Variants in CDH3 observed in about 807,000 individuals in gnomAD.
The protein encoded by CDH3 is cadherin 3.
Under a neutral mutation model 82.0 loss-of-function variants are expected in CDH3, and 54 were observed. That is an observed-to-expected ratio of 0.66 (90% confidence interval 0.53 to 0.83). The LOEUF (loss-of-function observed/expected upper bound fraction) is 0.83, where lower values mean the gene tolerates loss of function less well. Among genes scored for constraint, CDH3 ranks in the 40% least tolerant of loss-of-function variants. The probability of loss-of-function intolerance (pLI) is 0.00; values close to 1 mark genes in which losing one functional copy is unlikely to be tolerated. For synonymous variants in CDH3, 446 were observed against 437.9 expected, an observed-to-expected ratio of 1.02 and a Z score of -0.23; for missense variants, 1,054 against 1,084.6, an observed-to-expected ratio of 0.97 and a Z score of 0.40.
chr16:68,713,056 T>C (rs1177846863), intron 1 of CDH3, among the ~76,000 whole-genome samples: 1 of 152,086 alleles, frequency 6.6e-6, no homozygotes, highest in Non-Finnish European at 1.5e-5. Context: ...CCCCTCCTCC[T>C]GTGATCTCCC....
chr16:68,650,735 C>T (rs2152089516), intron 2 of CDH3, among the ~76,000 whole-genome samples: 1 of 152,264 alleles, frequency 6.6e-6, no homozygotes, highest in Admixed American at 6.5e-5. Flanking sequence ...GGTCTCTTCT[C>T]CCCAGCACAG....
chr16:68,676,957 C>T (rs1168157043), intron 3 of CDH3, among the ~76,000 whole-genome samples: 1 of 152,148 alleles, frequency 6.6e-6, no homozygotes, highest in East Asian at 1.9e-4. Flanking sequence ...AATAATCTCC[C>T]CTTGTTTGCC....
At chr16:68,674,168 A>T (rs1960968049) in intron 2 of CDH3, among the ~76,000 whole-genome samples, 1 of 152,138 alleles carries the variant, frequency 6.6e-6, no homozygotes. Context: ...CGACAATTCC[A>T]ATTTCCCTCT....
At chr16:68,695,013 A>C (rs1961674642) in intron 13 of CDH3, among the ~76,000 whole-genome samples, 1 of 152,198 alleles carries the variant, frequency 6.6e-6, no homozygotes, top group African/African-American at 2.4e-5. Context: ...CAAGGAACAC[A>C]GAGGAGGCCA....
chr16:68,645,450 C>T (rs749664950), intron 1 of CDH3, 26 bp downstream of exon 1: 2 of 1,611,324 alleles, frequency 1.2e-6, no homozygotes, highest in Admixed American at 1.7e-5. Context: ...GCCGTGGCCC[C>T]GACCGGGACC....
chr16:68,695,073 C>A lies in CDH3; in HGVS notation c.2003-182C>A, dbSNP rs3785135. On this transcript the variant is annotated intron_variant, in intron 13 of 15. Transcript: ENST00000264012. ...GGGGACTTGGAGGCATAGGCTGGGA[C>A]CAAATCTTGCCAGCCTTGATAAAGA... is the stretch of plus-strand genomic sequence containing the variant. Among the ~76,000 whole-genome samples, 85,732 of 151,946 alleles carry A rather than the reference C, an allele frequency of 0.56. 24,482 individuals are homozygous for A. Among genetic ancestry groups the A allele is most frequent in the Middle Eastern group, 0.62 (183 of 294 alleles).
rs1960617219 is a variant in CDH3 at position 68,662,568 on chromosome 16, G to C, written c.161-13817G>C. Reference sequence around the variant, plus strand: ...CCTTTTTTTTTTTTTTTTTTTTGGAGATGGAGTCTTGCTCTGTCGCCCAGG... The same window carrying C: ...CCTTTTTTTTTTTTTTTTTTTTGGACATGGAGTCTTGCTCTGTCGCCCAGG... On this transcript the variant is annotated intron_variant, in intron 2 of 15. Coordinates refer to ENST00000264012, the MANE Select transcript of CDH3 (RefSeq NM_001793.6). Among the ~76,000 whole-genome samples the C allele has an allele frequency of 2.6e-5, 3 of 116,528 alleles. No individual in the cohort carries two copies. The Admixed American group carries it at 3.0e-4, about 12-fold the overall frequency. The allele number at this position is 116,528 out of a possible 152,430, so 76.4% of individuals were successfully genotyped here. A position where few individuals can be genotyped will look rare whatever the true frequency, so the allele number is the denominator to read the frequency against.
Position 68,645,759 on chromosome 16 carries a change from C to A in CDH3, c.160+9C>A, listed in dbSNP as rs1408413185. The A allele has an allele frequency of 1.3e-6, 2 of 1,538,610 alleles. No individual in the cohort carries two copies. The highest frequency in any genetic ancestry group is 1.8e-6 in the Non-Finnish European group (2 of 1,142,316). ...CCAGGCGCTGGGGAAAGGTAAGATC[C>A]TCAGGGTGGAACCGCAGGGTAGGGG... On this transcript the variant is annotated intron_variant, in intron 2 of 15. Coordinates refer to ENST00000264012, the MANE Select transcript of CDH3 (RefSeq NM_001793.6).
downstream of CDH3, among the ~76,000 whole-genome samples, chr16:68,729,455 G>C (rs1962260852): frequency 6.6e-6 from 1 of 152,010 alleles, no homozygotes; most frequent in East Asian, 1.9e-4. Flanking sequence ...CATAGTTGTG[G>C]TTTCACAGTG....
At chr16:68,691,612 C>T in intron 12 of CDH3, 108 bp from the exon 13 acceptor site, 1 of 852,276 alleles carries the variant, frequency 1.2e-6, no homozygotes, top group South Asian at 1.4e-5. Flanking sequence ...TGGAGTATTT[C>T]TCTGCATTGC....
chr16:68,684,819 G>C lies in CDH3; in HGVS notation c.1419G>C (p.Lys473Asn). The C allele has an allele frequency of 6.2e-7, 1 of 1,614,184 alleles. No homozygotes were observed. Residue 473 changes from lysine (K) to asparagine (N), a missense_variant, in exon 10 of 16, where the codon AAG (lysine) becomes AAC (asparagine). Physicochemically the swap from Lys to Asn is moderately conservative, Grantham distance 94. Transcript: ENST00000264012. ...TAEDPDKENQKISYRILRDPA... is the reference protein window; with the variant it reads ...TAEDPDKENQNISYRILRDPA... ...AAGACCCTGACAAGGAGAATCAAAAGATCAGGTACTCAGGAGCTGGGCTCA... is the reference window on the plus strand; with the variant it reads ...AAGACCCTGACAAGGAGAATCAAAACATCAGGTACTCAGGAGCTGGGCTCA...
chr16:68,653,385 G>C (rs1364042953), intron 2 of CDH3, among the ~76,000 whole-genome samples: 1 of 151,546 alleles, frequency 6.6e-6, no homozygotes. Context: ...TTACAGGCAT[G>C]CGCCACCAAG....
downstream of CDH3, among the ~76,000 whole-genome samples, chr16:68,704,968 A>G (rs1242466482): frequency 6.6e-6 from 1 of 152,102 alleles, no homozygotes; most frequent in Non-Finnish European, 1.5e-5. Context: ...GAGGCTGAGG[A>G]GGAGGATCCC....
chr16:68,685,447 GTC>G, intron 11 of CDH3, 97 bp downstream of exon 11: 1 of 1,332,048 alleles, frequency 7.5e-7, no homozygotes, highest in Non-Finnish European at 1.1e-6. Flanking sequence ...GGGAACATGT[GTC>G]GAGGAGGGCT....
intron 13 of CDH3, among the ~76,000 whole-genome samples, chr16:68,692,777 C>T (rs899160875): frequency 4.6e-5 from 7 of 152,168 alleles, no homozygotes; most frequent in East Asian, 1.9e-4. Flanking sequence ...CAACACACAT[C>T]GTCAGTCAGA....
downstream of CDH3, among the ~76,000 whole-genome samples, chr16:68,732,118 G>T (rs963404017): frequency 4.6e-5 from 7 of 151,712 alleles, no homozygotes; most frequent in African/African-American, 1.7e-4. Flanking sequence ...ACTGGAGGCG[G>T]TATAGCCAGT....
At chr16:68,708,491 C>T (rs1961990874) in intron 1 of CDH3, among the ~76,000 whole-genome samples, 1 of 152,180 alleles carries the variant, frequency 6.6e-6, no homozygotes, top group African/African-American at 2.4e-5. Context: ...TCTCTCGGCT[C>T]CCTCACGTCC....
chr16:68,645,759 C>T lies in CDH3; in HGVS notation c.160+9C>T, dbSNP rs1408413185. On this transcript the variant is annotated intron_variant, in intron 2 of 15. Coordinates refer to ENST00000264012, the MANE Select transcript of CDH3 (RefSeq NM_001793.6). ...CCAGGCGCTGGGGAAAGGTAAGATC[C>T]TCAGGGTGGAACCGCAGGGTAGGGG... 26 of 1,538,732 alleles carry T rather than the reference C, an allele frequency of 1.7e-5. No homozygotes were observed. Among genetic ancestry groups the T allele is most frequent in the African/African-American group, 6.9e-5 (5 of 72,976 alleles).
chr16:68,670,060 T>G (rs903774395), intron 2 of CDH3, among the ~76,000 whole-genome samples: 4 of 151,846 alleles, frequency 2.6e-5, no homozygotes, highest in Non-Finnish European at 5.9e-5. Context: ...CTGTCTCTAC[T>G]AAAAATACAA....
Sources: allele counts gnomAD v4.1 joint callset (sites outside exome capture counted in the v4.1 genomes callset), GRCh38; gene constraint gnomAD v4.1.1; transcripts MANE v1.5; gene names NCBI Gene and HGNC (gene_info 2026-07-23, HGNC 2026-07-21).